Variants in ADAMTS3 observed in about 807,000 individuals in gnomAD.
ADAMTS3 encodes the protein A disintegrin and metalloproteinase with thrombospondin motifs 3.
ADAMTS3 carries 73 observed loss-of-function variants against 129.0 expected under a neutral mutation model. The observed-to-expected ratio is 0.57, with a 90% CI of 0.47 to 0.69. The LOEUF (loss-of-function observed/expected upper bound fraction) is 0.69. Ranked by LOEUF, ADAMTS3 falls within the 30% of genes least tolerant of loss-of-function variation. The probability of loss-of-function intolerance (pLI) is 0.00; values close to 1 mark genes in which losing one functional copy is unlikely to be tolerated. For missense variants in ADAMTS3, 1,457 were observed against 1,514.5 expected (o/e 0.96, Z 0.63); for synonymous variants, 477 against 510.8 (o/e 0.93, Z 0.89).
chr4:72,285,205 T>C (rs1454202132), intron 21 of ADAMTS3, among the ~76,000 whole-genome samples: 1 of 152,224 alleles, frequency 6.6e-6, no homozygotes, highest in Non-Finnish European at 1.5e-5. Flanking sequence ...TGAGCTGTAA[T>C]ACGATGTCCA....
rs1019591349 is a variant in ADAMTS3 at position 72,569,176 on chromosome 4, G to A, written c.-414C>T. 5 of 184,966 alleles carry A rather than the reference G, an allele frequency of 2.7e-5. No individual in the cohort carries two copies. Among genetic ancestry groups the A allele is most frequent in the African/African-American group, 4.7e-5 (2 of 42,556 alleles). 11.5% of individuals were successfully genotyped at this position (184,966 alleles called of 1,614,324 possible). A position where few individuals can be genotyped will look rare whatever the true frequency, so the allele number is the denominator to read the frequency against. Reference sequence around the variant, plus strand: ...TTGGGTTCCCCGGAGCACAGCAGGGGGAAGTATTAGCGAGAGAGACGAGCG... The same window carrying A: ...TTGGGTTCCCCGGAGCACAGCAGGGAGAAGTATTAGCGAGAGAGACGAGCG... On this transcript the variant is annotated 5_prime_UTR_variant, in exon 1 of 22. Transcript: ENST00000286657.
intron 3 of ADAMTS3, among the ~76,000 whole-genome samples, chr4:72,473,101 G>GTGTACCTGAAGTAGCAGATC (rs1406622148): frequency 1.3e-5 from 2 of 152,100 alleles, no homozygotes; most frequent in East Asian, 3.8e-4. Flanking sequence ...TATTCAACAT[G>GTGTACCTGAAGTAGCAGATC]TGTACCTGAA....
chr4:72,394,248 A>G (rs998005572), intron 4 of ADAMTS3, among the ~76,000 whole-genome samples: 3 of 141,848 alleles, frequency 2.1e-5, no homozygotes, highest in African/African-American at 7.7e-5. Flanking sequence ...GCCCACCAGA[A>G]TACTGAATTC....
At chr4:72,503,998 T>C (rs1720090524) in intron 3 of ADAMTS3, among the ~76,000 whole-genome samples, 1 of 152,228 alleles carries the variant, frequency 6.6e-6, no homozygotes, top group South Asian at 2.1e-4. Flanking sequence ...TCATTATGTG[T>C]GAGATAGGTC....
intron 4 of ADAMTS3, among the ~76,000 whole-genome samples, chr4:72,411,359 G>A (rs1466735559): frequency 6.6e-6 from 1 of 152,006 alleles, no homozygotes; most frequent in South Asian, 2.1e-4. Context: ...CCAGAGTGTG[G>A]GAGAAGCACA....
At chr4:72,382,610 T>G (rs938096390) in intron 4 of ADAMTS3, among the ~76,000 whole-genome samples, 1 of 152,174 alleles carries the variant, frequency 6.6e-6, no homozygotes, top group Non-Finnish European at 1.5e-5. Context: ...CTATTCACAA[T>G]AGCAAAGTCA....
At chr4:72,449,021 C>T (rs1718325590) in intron 3 of ADAMTS3, among the ~76,000 whole-genome samples, 1 of 151,668 alleles carries the variant, frequency 6.6e-6, no homozygotes, top group Non-Finnish European at 1.5e-5. Context: ...CTTTGTCTCA[C>T]TCTTGAAATG....
In ADAMTS3 at chr4:72,414,960, T is replaced by C. The variant is rs746543648; in HGVS notation, c.516A>G (p.Ile172Met). 9 of 1,535,344 alleles carry C rather than the reference T, an allele frequency of 5.9e-6. No homozygotes were observed. Among genetic ancestry groups the C allele is most frequent in the Non-Finnish European group, 7.0e-6 (8 of 1,146,374 alleles). ...ISNCDGLAGM[I>M]KSDNEEYFIE... ...TGAAATACTCTTCATTATCACTTTT[T>C]ATCATTCCAGCCTAGAGAAAGCACA... The change falls in exon 4 of 22, where the codon ATA (isoleucine) becomes ATG (methionine). Residue 172 changes from isoleucine to methionine, a missense_variant. Coordinates refer to ENST00000286657, the MANE Select transcript of ADAMTS3 (RefSeq NM_014243.3).
At chr4:72,525,980 G>A (rs983197333) in intron 3 of ADAMTS3, among the ~76,000 whole-genome samples, 3 of 152,158 alleles carry the variant, frequency 2.0e-5, no homozygotes, top group Admixed American at 6.5e-5. Context: ...GTAGAGAGGG[G>A]CCAATGAGGT....
intron 21 of ADAMTS3, among the ~76,000 whole-genome samples, chr4:72,283,935 C>T (rs1425749625): frequency 6.6e-6 from 1 of 151,992 alleles, no homozygotes; most frequent in African/African-American, 2.4e-5. Context: ...TTAATATTTC[C>T]ACCAGGAGTC....
intron 4 of ADAMTS3, among the ~76,000 whole-genome samples, chr4:72,368,829 A>G (rs1266089336): frequency 1.3e-5 from 2 of 152,236 alleles, no homozygotes; most frequent in Non-Finnish European, 2.9e-5. Flanking sequence ...AGTGTACTAC[A>G]TATGATATAG....
intron 11 of ADAMTS3, 73 bp from the exon 12 acceptor site, chr4:72,313,895 T>C (rs776307041): frequency 3.8e-6 from 6 of 1,564,598 alleles, no homozygotes; most frequent in South Asian, 1.1e-5. Context: ...ACAAGAACCA[T>C]CTAGTTGAAG....
At chr4:72,338,654 G>C (rs972589631) in intron 5 of ADAMTS3, among the ~76,000 whole-genome samples, 6 of 151,788 alleles carry the variant, frequency 4.0e-5, no homozygotes, top group African/African-American at 1.5e-4. Context: ...TGTGAGGGGG[G>C]AGGGTGGGTT....
At chr4:72,315,763 T>C in intron 11 of ADAMTS3, 95 bp downstream of exon 11, 1 of 748,598 alleles carries the variant, frequency 1.3e-6, no homozygotes, top group Non-Finnish European at 2.2e-6. Flanking sequence ...TTCATAAAAA[T>C]GACAGTGCAG....
At chr4:72,532,737 C>A (rs1225005675) in intron 3 of ADAMTS3, among the ~76,000 whole-genome samples, 1 of 152,106 alleles carries the variant, frequency 6.6e-6, no homozygotes, top group African/African-American at 2.4e-5. Context: ...AGGCTGCAAA[C>A]CTACACAGCA....
intron 3 of ADAMTS3, among the ~76,000 whole-genome samples, chr4:72,422,942 A>G (rs1472465266): frequency 6.6e-6 from 1 of 152,212 alleles, no homozygotes; most frequent in East Asian, 1.9e-4. Context: ...CATCAAGAGA[A>G]GACTAAATTG....
intron 3 of ADAMTS3, among the ~76,000 whole-genome samples, chr4:72,501,113 T>C (rs1720010601): frequency 6.6e-6 from 1 of 152,172 alleles, no homozygotes; most frequent in African/African-American, 2.4e-5. Context: ...TTTGTTTCTA[T>C]ATGAATTTTA....
At chr4:72,361,068 T>G (rs973460734) in intron 4 of ADAMTS3, among the ~76,000 whole-genome samples, 7 of 152,082 alleles carry the variant, frequency 4.6e-5, no homozygotes, top group Non-Finnish European at 2.9e-5. Context: ...AACCCTCTTT[T>G]AAGATGTTTT....
intron 4 of ADAMTS3, among the ~76,000 whole-genome samples, chr4:72,356,169 A>G (rs538457324): frequency 2.0e-5 from 3 of 152,132 alleles, no homozygotes; most frequent in African/African-American, 7.2e-5. Flanking sequence ...TAGAGAAAAT[A>G]ATTTATAAAT....
Sources: gnomAD v4.1 joint callset for allele counts (sites outside exome capture counted in the v4.1 genomes callset) on GRCh38, gnomAD v4.1.1 for gene constraint, MANE v1.5 for transcripts, NCBI Gene and HGNC (gene_info 2026-07-23, HGNC 2026-07-21) for gene names.